Variants in POLR3A observed in about 807,000 individuals in gnomAD.
POLR3A encodes the protein RNA polymerase III subunit A, also known as DNA-directed RNA polymerase III subunit RPC1.
Under a neutral mutation model 152.8 loss-of-function variants are expected in POLR3A, and 112 were observed. The observed-to-expected ratio is 0.73, with a 90% CI of 0.63 to 0.86. POLR3A has a LOEUF of 0.86. Among genes scored for constraint, POLR3A ranks in the 40% least tolerant of loss-of-function variants. POLR3A has a pLI of 0.00. For missense variants in POLR3A, 1,385 were observed against 1,743.1 expected, an observed-to-expected ratio of 0.79 and a Z score of 3.66; for synonymous variants, 615 against 652.1, an observed-to-expected ratio of 0.94 and a Z score of 0.87.
intron 1 of POLR3A, 81 bp from the exon 2 acceptor site, chr10:78,026,310 C>G: frequency 7.1e-7 from 1 of 1,415,830 alleles, no homozygotes; most frequent in Admixed American, 1.8e-5. Flanking sequence ...CCACCATAAC[C>G]AACCTATCCT....
intron 19 of POLR3A, among the ~76,000 whole-genome samples, chr10:77,996,588 T>C (rs905223826): frequency 6.6e-6 from 1 of 152,004 alleles, no homozygotes; most frequent in Non-Finnish European, 1.5e-5. Flanking sequence ...CCTCGACACA[T>C]ACATCCTCCC....
rs1262335730 is a variant in POLR3A at position 78,026,179 on chromosome 10, G to T, written c.95C>A (p.Ala32Glu). 2 of 1,614,178 alleles carry T rather than the reference G, an allele frequency of 1.2e-6. No homozygotes were observed. The highest frequency in any genetic ancestry group is 1.7e-6 in the Non-Finnish European group (2 of 1,179,990). The change falls in exon 2 of 31, where the codon GCG (alanine) becomes GAG (glutamate). Residue 32 changes from alanine to glutamate, a missense_variant. Around this residue, in one of 7 missense-constraint regions of POLR3A, gnomAD observed 493 missense variants for 647.5 expected, o/e 0.76. Transcript: ENST00000372371. ...GTTCTTACTCACAACTTGGATGTGC[G>T]CCTGCTGGCGCATCTCCTCAGGTGA... Reference protein sequence around the residue: ...MKSPEEMRQQAHIQVVSKNLY... With the variant: ...MKSPEEMRQQEHIQVVSKNLY...
At chr10:77,996,749 A>G (rs925576194) in intron 19 of POLR3A, among the ~76,000 whole-genome samples, 17 of 152,322 alleles carry the variant, frequency 1.1e-4, no homozygotes, top group Admixed American at 7.8e-4. Flanking sequence ...AGGAGCTGGT[A>G]CCATTCCTTC....
At chr10:78,025,333 A>G (rs1847622235) in intron 3 of POLR3A, among the ~76,000 whole-genome samples, 191 bp from the exon 4 acceptor site, 1 of 152,188 alleles carries the variant, frequency 6.6e-6, no homozygotes, top group Non-Finnish European at 1.5e-5. Context: ...CACAGCCAGT[A>G]GGCAGACTTT....
chr10:78,012,840 G>C (rs1409886164), intron 11 of POLR3A, among the ~76,000 whole-genome samples: 1 of 152,060 alleles, frequency 6.6e-6, no homozygotes, highest in Non-Finnish European at 1.5e-5. Context: ...TCCCATTTCA[G>C]CTTCCTGAGT....
rs142880941 is a variant in POLR3A, at chr10:77,977,139, T to C, written c.*339A>G. The C allele has an allele frequency of 9.2e-4, 333 of 361,846 alleles. 1 individual carries two copies. In the Middle Eastern group the frequency reaches 0.016, roughly 17 times the overall value. The allele number at this position is 361,846 out of a possible 1,614,324, so 22.4% of individuals were successfully genotyped here. ...AGACACCATGGGGAGCCGATGGATG[T>C]ATGCAGTGAGCTGGGATGGACCATG... is the stretch of plus-strand genomic sequence containing the variant. On this transcript the variant is annotated 3_prime_UTR_variant, in exon 31 of 31. Coordinates refer to ENST00000372371, the MANE Select transcript of POLR3A (RefSeq NM_007055.4).
chr10:78,021,525 A>T, intron 8 of POLR3A, 21 bp downstream of exon 8: 1 of 1,613,260 alleles, frequency 6.2e-7, no homozygotes, highest in Non-Finnish European at 8.5e-7. Flanking sequence ...CAAAGAATTG[A>T]GCAGCTGAGT....
rs138786640 is a variant in POLR3A, at chr10:78,011,973, C to T, written c.1573-1433G>A. 3.4e-3 allele frequency among the ~76,000 whole-genome samples: 523 copies of T among 152,250 alleles called. 5 individuals carry two copies. Among genetic ancestry groups the T allele is most frequent in the African/African-American group, 0.012 (488 of 41,536 alleles). On this transcript the variant is annotated intron_variant, in intron 11 of 30. Coordinates refer to ENST00000372371, the MANE Select transcript of POLR3A (RefSeq NM_007055.4). ...GGATCCTCAATGGCAGAGTTGACAG[C>T]AAAGTCTAAATGGTTGGTTGCAAGC... is the stretch of plus-strand genomic sequence containing the variant.
chr10:78,013,397 C>A (rs1847485455), intron 11 of POLR3A: 4 of 498,256 alleles, frequency 8.0e-6, no homozygotes, highest in South Asian at 6.5e-5. Flanking sequence ...CATTTATAGG[C>A]CAGAAAATCC....
At chr10:78,008,018 GGA>G in intron 14 of POLR3A, 152 bp from the exon 15 acceptor site, 17 of 414,324 alleles carry the variant, frequency 4.1e-5, no homozygotes, top group South Asian at 9.1e-5. Flanking sequence ...TTGGGGGGAG[GGA>G]GGGGGGGTTA....
chr10:77,986,072 C>T lies in POLR3A; in HGVS notation c.2988+1G>A, dbSNP rs201733323. 1.9e-6 allele frequency: 3 copies of T among 1,588,594 alleles called. No homozygotes were observed. Among genetic ancestry groups the T allele is most frequent in the East Asian group, 2.2e-5 (1 of 44,750 alleles). On this transcript the variant is annotated splice_donor_variant, in intron 22 of 30. Transcript: ENST00000372371. LOFTEE classifies it high-confidence loss of function. Reference sequence around the variant, plus strand: ...TCTAACGCGTCTTGGAGGGATATTACCTCTGTTGTGCCGTTATCATTGATG... The same window carrying T: ...TCTAACGCGTCTTGGAGGGATATTATCTCTGTTGTGCCGTTATCATTGATG...
intron 11 of POLR3A, among the ~76,000 whole-genome samples, chr10:78,012,376 CAA>C (rs1222192948): frequency 8.6e-6 from 1 of 116,300 alleles, no homozygotes; most frequent in African/African-American, 3.2e-5. Flanking sequence ...AACAAACAAA[CAA>C]AAAAAAAAAG....
rs188895458 is a variant in POLR3A at position 77,981,569 on chromosome 10, G to A, written c.3760-10C>T. The A allele has an allele frequency of 1.9e-6, 3 of 1,613,916 alleles. No individual in the cohort carries two copies. The highest frequency in any genetic ancestry group is 1.1e-5 in the South Asian group (1 of 91,082). Reference sequence around the variant, plus strand: ...CCAGAGTTTTCTCCACCTACAGAGAGCCAGTAATGAGCAGAAGCAGCCCCT... The same window carrying A: ...CCAGAGTTTTCTCCACCTACAGAGAACCAGTAATGAGCAGAAGCAGCCCCT... On this transcript the variant is annotated splice_polypyrimidine_tract_variant and intron_variant, in intron 28 of 30. Transcript: ENST00000372371.
At chr10:78,017,982 TG>T (rs1374920510) in intron 9 of POLR3A, among the ~76,000 whole-genome samples, 1 of 151,548 alleles carries the variant, frequency 6.6e-6, no homozygotes, top group African/African-American at 2.4e-5. Context: ...GAGAACAGAC[TG>T]GGCAACATGG....
At chr10:77,988,368 A>C (rs1459683228) in intron 21 of POLR3A, among the ~76,000 whole-genome samples, 1 of 152,136 alleles carries the variant, frequency 6.6e-6, no homozygotes, top group East Asian at 1.9e-4. Flanking sequence ...CTAAAAATAC[A>C]AAAATTAGCT....
intron 15 of POLR3A, 114 bp from the exon 16 acceptor site, chr10:78,005,002 T>G: frequency 1.2e-6 from 1 of 803,646 alleles, no homozygotes; most frequent in Non-Finnish European, 2.2e-6. Context: ...TATGTATGTA[T>G]AGTTTAAAGT....
chr10:78,026,180 C>A lies in POLR3A; in HGVS notation c.94G>T (p.Ala32Ser), dbSNP rs1317440090. ...TTCTTACTCACAACTTGGATGTGCG[C>A]CTGCTGGCGCATCTCCTCAGGTGAC... ...MKSPEEMRQQ[A>S]HIQVVSKNLY... Residue 32 changes from alanine to serine, a missense_variant, in exon 2 of 31, where the codon GCG becomes TCG. Ala to Ser is a moderately conservative substitution (Grantham distance 99). Coordinates refer to ENST00000372371, the MANE Select transcript of POLR3A (RefSeq NM_007055.4). The A allele has an allele frequency of 8.7e-6, 14 of 1,614,068 alleles. No homozygotes were observed. Among genetic ancestry groups the A allele is most frequent in the Non-Finnish European group, 7.6e-6 (9 of 1,180,018 alleles).
chr10:77,997,737 A>G (rs1404845783), intron 19 of POLR3A, among the ~76,000 whole-genome samples: 1 of 151,868 alleles, frequency 6.6e-6, no homozygotes, highest in Admixed American at 6.6e-5. Context: ...GCCCAAGGTA[A>G]TTTATAGACT....
In POLR3A at chr10:78,009,527, G is replaced by A. The variant is rs568963001; in HGVS notation, c.1909+10C>T. The A allele has an allele frequency of 1.8e-5, 29 of 1,614,016 alleles. No homozygotes were observed. The highest frequency in any genetic ancestry group is 6.7e-5 in the East Asian group (3 of 44,884). On this transcript the variant is annotated intron_variant, in intron 14 of 30. Coordinates refer to ENST00000372371, the MANE Select transcript of POLR3A (RefSeq NM_007055.4). The stretch of plus-strand genomic sequence containing the variant: ...TCCTCCTTCTCCCCACCCGAGTTCC[G>A]TCCACTCACAGGAATCATTGGCACA...
Sources: allele counts gnomAD v4.1 joint callset (sites outside exome capture counted in the v4.1 genomes callset), GRCh38; gene constraint gnomAD v4.1.1; regional missense constraint gnomAD v4.1.1; transcripts MANE v1.5; gene names NCBI Gene and HGNC (gene_info 2026-07-23, HGNC 2026-07-21).